Variants in DYNC2I1 observed in about 807,000 individuals in gnomAD.
DYNC2I1 encodes the protein dynein 2 intermediate chain 1.
In DYNC2I1, 89 loss-of-function variants were observed where a neutral mutation model predicts 133.4. That is an observed-to-expected ratio of 0.67 (90% CI 0.56 to 0.80). The LOEUF (loss-of-function observed/expected upper bound fraction) is 0.80, where lower values mean the gene tolerates loss of function less well. Among genes scored for constraint, DYNC2I1 ranks in the 30% least tolerant of loss-of-function variants. The probability of loss-of-function intolerance (pLI) is 0.00; values close to 1 mark genes in which losing one functional copy is unlikely to be tolerated. For missense variants in DYNC2I1, 1,291 were observed against 1,314.5 expected (o/e 0.98, Z 0.28); for synonymous variants, 504 against 484.3 (o/e 1.04, Z -0.54).
chr7:158,930,136 T>C (rs1850073111), intron 20 of DYNC2I1, among the ~76,000 whole-genome samples: 1 of 151,364 alleles, frequency 6.6e-6, no homozygotes, highest in Non-Finnish European at 1.5e-5. Flanking sequence ...GCTTATTTAG[T>C]GTATGTACAC....
intron 11 of DYNC2I1, among the ~76,000 whole-genome samples, chr7:158,908,091 T>C (rs1016557093): frequency 1.3e-5 from 2 of 151,512 alleles, no homozygotes; most frequent in South Asian, 2.1e-4. Flanking sequence ...AATAAAAAAG[T>C]TTTTGAGAAA....
Position 158,871,383 on chromosome 7 carries a change from TGAA to T in DYNC2I1, c.313_315del (p.Lys105del), listed in dbSNP as rs3833679. The T allele has an allele frequency of 0.17, 269,362 of 1,551,400 alleles. 24,459 individuals carry two copies. The highest frequency in any genetic ancestry group is 0.23 in the Middle Eastern group (1,406 of 5,984). On this transcript the variant is annotated inframe_deletion, in exon 3 of 25. Coordinates refer to ENST00000407559, the MANE Select transcript of DYNC2I1 (RefSeq NM_018051.5). ...GCAAAAGACCGGGAGAAAGAAAAGC[TGAA>T]GGAGAAACATCGAGAGGCAGAAAAG...
At chr7:158,871,007 TG>T in intron 2 of DYNC2I1, 134 bp from the exon 3 acceptor site, 1 of 1,017,622 alleles carries the variant, frequency 9.8e-7, no homozygotes. Flanking sequence ...GATTGGAAAC[TG>T]GGATTGGAAA....
intron 10 of DYNC2I1, chr7:158,903,933 AG>A (rs1846498073): frequency 6.6e-6 from 1 of 152,172 alleles, no homozygotes. Context: ...TCTCAATATG[AG>A]ATTATTTTTG....
chr7:158,933,424 G>A (rs889195411), intron 21 of DYNC2I1, among the ~76,000 whole-genome samples: 5 of 152,284 alleles, frequency 3.3e-5, no homozygotes, highest in East Asian at 3.9e-4. Flanking sequence ...AGAACCAGGC[G>A]ACGCATTGGG....
intron 10 of DYNC2I1, chr7:158,903,701 C>A (rs1846462284): frequency 6.6e-6 from 1 of 152,228 alleles, no homozygotes; most frequent in South Asian, 2.1e-4. Flanking sequence ...TGGGGTAGCG[C>A]TGCACACAGG....
intron 10 of DYNC2I1, among the ~76,000 whole-genome samples, chr7:158,905,595 TATTA>T (rs1846713179): frequency 6.6e-6 from 1 of 152,248 alleles, no homozygotes; most frequent in African/African-American, 2.4e-5. Flanking sequence ...ATTGATTCAA[TATTA>T]ATTTGCACTT....
chr7:158,936,201 CA>C (rs1339519468), intron 23 of DYNC2I1, among the ~76,000 whole-genome samples: 1 of 151,918 alleles, frequency 6.6e-6, no homozygotes. Context: ...AAAACAAAAA[CA>C]AAAAAAGTCT....
intron 14 of DYNC2I1, among the ~76,000 whole-genome samples, chr7:158,915,499 C>G (rs75294889): frequency 7.3e-5 from 11 of 150,138 alleles, no homozygotes; most frequent in East Asian, 1.9e-4. Context: ...TGTGAAACCT[C>G]GACACGGTGG....
At chr7:158,859,726 C>T (rs1226514869) in intron 1 of DYNC2I1, among the ~76,000 whole-genome samples, 1 of 152,200 alleles carries the variant, frequency 6.6e-6, no homozygotes, top group Non-Finnish European at 1.5e-5. Flanking sequence ...TGGTCTTGAT[C>T]CGCCCACCTC....
intron 17 of DYNC2I1, among the ~76,000 whole-genome samples, chr7:158,924,958 G>T (rs1243085777): frequency 6.6e-6 from 1 of 152,178 alleles, no homozygotes; most frequent in East Asian, 1.9e-4. Context: ...GTTTCTCCAT[G>T]TTGGTCAGGC....
chr7:158,946,073 T>A lies in DYNC2I1; in HGVS notation c.*294T>A, dbSNP rs1337372930. On this transcript the variant is annotated 3_prime_UTR_variant, in exon 25 of 25. Coordinates refer to ENST00000407559, the MANE Select transcript of DYNC2I1 (RefSeq NM_018051.5). ...TATTTTTAGAACAGTTTAAATATTG[T>A]CACATTACTGCTAGATTTTAAACAG... 1 of 236,798 alleles carries A rather than the reference T, an allele frequency of 4.2e-6. No individual in the cohort carries two copies. Among genetic ancestry groups the A allele is most frequent in the Non-Finnish European group, 8.1e-6 (1 of 124,012 alleles). The allele number at this position is 236,798 out of a possible 1,614,324, so 14.7% of individuals were successfully genotyped here.
rs1321648511 is a variant in DYNC2I1, at chr7:158,863,603, A to C, written c.16-6252A>C. 1.2e-4 allele frequency among the ~76,000 whole-genome samples: 13 copies of C among 110,118 alleles called. No individual in the cohort carries two copies. The South Asian group carries it at 2.1e-3, about 18-fold the overall frequency. 72.2% of individuals were successfully genotyped at this position (110,118 alleles called of 152,430 possible). A position where few individuals can be genotyped will look rare whatever the true frequency, so the allele number is the denominator to read the frequency against. ...GTGTGTGAGGGGGGCGGTGAGCCGG[A>C]CGTCCTTAGCTCCGGGTGTGTTTGG... On this transcript the variant is annotated intron_variant, in intron 1 of 24. Transcript: ENST00000407559.
intron 11 of DYNC2I1, among the ~76,000 whole-genome samples, chr7:158,909,755 C>T (rs193020882): frequency 1.6e-3 from 237 of 152,302 alleles, no homozygotes; most frequent in African/African-American, 5.4e-3. Flanking sequence ...ATCTTGATTT[C>T]TCAAGACAGT....
chr7:158,937,622 G>GAAAAA lies in DYNC2I1; in HGVS notation c.2778+3082_2778+3086dup, dbSNP rs71189438. ...GGGTGACAGGGTGAGACTGTCTCAA[G>GAAAAA]AAAAAAAAAAAAAGACACAAGGCTG... On this transcript the variant is annotated intron_variant, in intron 23 of 24. Coordinates refer to ENST00000407559, the MANE Select transcript of DYNC2I1 (RefSeq NM_018051.5). 5.0e-4 allele frequency among the ~76,000 whole-genome samples: 55 copies of GAAAAA among 109,456 alleles called. 4 individuals carry two copies. Among genetic ancestry groups the GAAAAA allele is most frequent in the Admixed American group, 2.8e-3 (29 of 10,364 alleles). The allele number at this position is 109,456 out of a possible 152,430, so 71.8% of individuals were successfully genotyped here. A position where few individuals can be genotyped will look rare whatever the true frequency, so the allele number is the denominator to read the frequency against.
At chr7:158,865,123 C>G (rs538297035) in intron 1 of DYNC2I1, among the ~76,000 whole-genome samples, 1 of 152,322 alleles carries the variant, frequency 6.6e-6, no homozygotes, top group South Asian at 2.1e-4. Flanking sequence ...GGTTTGCTTT[C>G]CATCTGGGCT....
chr7:158,927,120 A>G lies in DYNC2I1; in HGVS notation c.2485+77A>G, dbSNP rs1849702703. ...ATTAAAAGTACTGATAACTGCGGTC[A>G]GGTGCAGTGGCTCACACCTGCTGGG... On this transcript the variant is annotated intron_variant, in intron 20 of 24. Transcript: ENST00000407559. The G allele has an allele frequency of 3.0e-5, 32 of 1,071,882 alleles. 1 individual carries two copies. Among genetic ancestry groups the G allele is most frequent in the Non-Finnish European group, 3.6e-5 (26 of 727,942 alleles). 66.4% of individuals were successfully genotyped at this position (1,071,882 alleles called of 1,614,324 possible).
intron 15 of DYNC2I1, among the ~76,000 whole-genome samples, chr7:158,919,924 G>A (rs549062407): frequency 6.6e-6 from 1 of 152,270 alleles, no homozygotes; most frequent in African/African-American, 2.4e-5. Flanking sequence ...AGATGCATGA[G>A]AGCGGCAGTG....
At chr7:158,851,366 C>G in the DYNC2I1 span, among the ~76,000 whole-genome samples, 1 of 152,016 alleles carries the variant, frequency 6.6e-6, no homozygotes, top group South Asian at 2.1e-4. Flanking sequence ...AACCCCATCT[C>G]TACAAAAAGT....
Sources: allele counts gnomAD v4.1 joint callset (sites outside exome capture counted in the v4.1 genomes callset), GRCh38; gene constraint gnomAD v4.1.1; transcripts MANE v1.5; gene names NCBI Gene and HGNC (gene_info 2026-07-23, HGNC 2026-07-21).